RPTOR: variants seen among roughly 807,000 people sequenced by gnomAD.
RPTOR encodes regulatory-associated protein of mTOR.
In RPTOR, 21 loss-of-function variants were observed where a neutral mutation model predicts 169.9. The observed-to-expected ratio is 0.12, with a 90% CI of 0.09 to 0.18. The LOEUF is 0.18. Among genes scored for constraint, RPTOR ranks in the 10% least tolerant of loss-of-function variants. RPTOR has a pLI of 1.00. For missense variants in RPTOR, 1,133 were observed against 1,855.9 expected (o/e 0.61, Z 7.16); for synonymous variants, 732 against 753.2 (o/e 0.97, Z 0.46).
At chr17:80,905,966 G>A (rs1410400256) in intron 20 of RPTOR, among the ~76,000 whole-genome samples, 1 of 152,182 alleles carries the variant, frequency 6.6e-6, no homozygotes, top group Non-Finnish European at 1.5e-5. Flanking sequence ...GTCGAGCCTC[G>A]TGGGGAGCTG....
chr17:80,846,288 C>T (rs753493403), intron 10 of RPTOR, among the ~76,000 whole-genome samples, 185 bp from the exon 11 acceptor site: 1 of 152,258 alleles, frequency 6.6e-6, no homozygotes, highest in Admixed American at 6.5e-5. Context: ...TCCCTTCGTG[C>T]ACCCCGCAGG....
chr17:80,568,138 G>T (rs1005509050), intron 1 of RPTOR, among the ~76,000 whole-genome samples: 1 of 151,960 alleles, frequency 6.6e-6, no homozygotes, highest in Non-Finnish European at 1.5e-5. Context: ...CGAACTCCTG[G>T]CCTCAAGCAG....
chr17:80,685,639 T>TATTA (rs1428559462), intron 3 of RPTOR, among the ~76,000 whole-genome samples: 1 of 84,154 alleles, frequency 1.2e-5, no homozygotes, highest in Non-Finnish European at 2.5e-5. Context: ...TTTTTTTTTT[T>TATTA]TTTTTTTTTT....
At chr17:80,825,453 T>C (rs2067431777) in intron 9 of RPTOR, among the ~76,000 whole-genome samples, 1 of 149,112 alleles carries the variant, frequency 6.7e-6, no homozygotes. Context: ...CCAGCATTTA[T>C]ATCAGTGCTG....
At chr17:80,548,042 G>C (rs1467995116) in intron 1 of RPTOR, among the ~76,000 whole-genome samples, 2 of 151,350 alleles carry the variant, frequency 1.3e-5, no homozygotes, top group East Asian at 3.9e-4. Context: ...AACACTGCAG[G>C]CTGAACAACC....
At chr17:80,889,090 G>A (rs375656659) in intron 17 of RPTOR, among the ~76,000 whole-genome samples, 24 of 152,364 alleles carry the variant, frequency 1.6e-4, no homozygotes, top group Admixed American at 2.0e-4. Context: ...GAGAGGGGCC[G>A]CTCGCCCAGC....
intron 20 of RPTOR, among the ~76,000 whole-genome samples, chr17:80,896,999 G>A (rs529948502): frequency 6.7e-4 from 102 of 152,320 alleles, no homozygotes; most frequent in African/African-American, 2.3e-3. Flanking sequence ...GGTCCCTCAC[G>A]CCTGTAATCC....
At position 80,883,478 on chromosome 17, in the gene RPTOR, G is replaced by A. The variant is rs34848699; in HGVS notation, c.1644G>A (p.Thr548=). The change falls in exon 15 of 34, where the codon ACG becomes ACA. Residue 548 remains threonine, a synonymous_variant. Coordinates refer to ENST00000306801, the MANE Select transcript of RPTOR (RefSeq NM_020761.3). ...CCGTGATCGTCAACAGCTATCACAC[G>A]GGGCAGGTGAGCCCCCCAGCCACCC... ...ILAVIVNSYH[T]GQEACLQGNL... The A allele has an allele frequency of 8.8e-3, 14,227 of 1,613,948 alleles. 81 individuals carry two copies. Among genetic ancestry groups the A allele is most frequent in the Non-Finnish European group, 0.011 (12,873 of 1,179,952 alleles).
intron 7 of RPTOR, among the ~76,000 whole-genome samples, chr17:80,795,253 A>G (rs927714457): frequency 3.9e-5 from 6 of 152,208 alleles, no homozygotes; most frequent in African/African-American, 1.4e-4. Flanking sequence ...TTCTGGGAAG[A>G]TACCTTCACT....
chr17:80,885,420 G>A (rs983590096), intron 17 of RPTOR, among the ~76,000 whole-genome samples: 6 of 152,252 alleles, frequency 3.9e-5, no homozygotes, highest in Non-Finnish European at 8.8e-5. Context: ...AACACACACA[G>A]GCACCACTGC....
rs562068539 is a variant in RPTOR, at chr17:80,819,602, C to G, written c.891-2599C>G. The stretch of plus-strand genomic sequence containing the variant: ...CTTCCGGTTTAGGTATGGTTGGTTC[C>G]TGGAAGTTGATGTACTGAGCTATGT... On this transcript the variant is annotated intron_variant, in intron 7 of 33. Transcript: ENST00000306801. Among the ~76,000 whole-genome samples, 15 of 152,310 alleles carry G rather than the reference C, an allele frequency of 9.8e-5. No homozygotes were observed. In the South Asian group the frequency reaches 2.9e-3, roughly 29 times the overall value.
intron 1 of RPTOR, among the ~76,000 whole-genome samples, chr17:80,579,623 G>A (rs1297534051): frequency 6.6e-6 from 1 of 152,232 alleles, no homozygotes; most frequent in Admixed American, 6.5e-5. Flanking sequence ...CCAGAGGCGG[G>A]AGCCTTATGT....
At chr17:80,782,850 T>C (rs576543205) in intron 6 of RPTOR, among the ~76,000 whole-genome samples, 1 of 152,358 alleles carries the variant, frequency 6.6e-6, no homozygotes, top group African/African-American at 2.4e-5. Flanking sequence ...GTCCATGTTA[T>C]TGATAGTTTC....
intron 28 of RPTOR, among the ~76,000 whole-genome samples, chr17:80,950,109 T>C (rs1315521493): frequency 6.6e-6 from 1 of 152,208 alleles, no homozygotes; most frequent in Non-Finnish European, 1.5e-5. Context: ...CTGGAAGGAC[T>C]CAGGCAGGAG....
In RPTOR at chr17:80,949,365, GC is replaced by G; in HGVS notation, c.3266-77del. 5 of 1,235,866 alleles carry G rather than the reference GC, an allele frequency of 4.0e-6. No homozygotes were observed. The South Asian group carries it at 6.0e-5, about 15-fold the overall frequency. 76.6% of individuals were successfully genotyped at this position (1,235,866 alleles called of 1,614,324 possible). ...CACTGCAGCACGTCTGCCAGGAAGGGCTCTTACCACCACGCACAGAGCACAG... is the reference window on the plus strand; with the variant it reads ...CACTGCAGCACGTCTGCCAGGAAGGGTCTTACCACCACGCACAGAGCACAG... On this transcript the variant is annotated intron_variant, in intron 27 of 33. Transcript: ENST00000306801.
At chr17:80,657,588 A>T (rs1420719404) in intron 3 of RPTOR, among the ~76,000 whole-genome samples, 1 of 152,136 alleles carries the variant, frequency 6.6e-6, no homozygotes, top group Admixed American at 6.5e-5. Context: ...TGCAGCAGTG[A>T]TACTACTAAC....
At chr17:80,826,461 C>G (rs1033429104) in intron 9 of RPTOR, among the ~76,000 whole-genome samples, 11 of 152,362 alleles carry the variant, frequency 7.2e-5, no homozygotes, top group African/African-American at 2.6e-4. Flanking sequence ...AGAGAGCAGC[C>G]AGCGGCACCC....
At chr17:80,712,656 A>C (rs962488617) in intron 4 of RPTOR, among the ~76,000 whole-genome samples, 3 of 152,222 alleles carry the variant, frequency 2.0e-5, no homozygotes, top group Non-Finnish European at 4.4e-5. Flanking sequence ...TATGGATATA[A>C]GCTTTCCATT....
intron 24 of RPTOR, among the ~76,000 whole-genome samples, chr17:80,932,761 A>C (rs1053252781): frequency 4.6e-5 from 7 of 152,222 alleles, no homozygotes; most frequent in African/African-American, 1.7e-4. Context: ...TCCAACATCT[A>C]ACCACAGATC....
Sources: allele counts gnomAD v4.1 joint callset (sites outside exome capture counted in the v4.1 genomes callset), GRCh38; gene constraint gnomAD v4.1.1; transcripts MANE v1.5; gene names NCBI Gene and HGNC (gene_info 2026-07-23, HGNC 2026-07-21).